Variants in PTPN2 observed in about 807,000 individuals in gnomAD.
PTPN2 encodes tyrosine-protein phosphatase non-receptor type 2.
A neutral mutation model predicts 57.3 loss-of-function variants in PTPN2; 19 were observed. The observed-to-expected ratio is 0.33, with a 90% CI of 0.23 to 0.49. The LOEUF (loss-of-function observed/expected upper bound fraction) is 0.49, where lower values mean the gene tolerates loss of function less well. Ranked by LOEUF, PTPN2 falls within the 20% of genes least tolerant of loss-of-function variation. The probability of loss-of-function intolerance (pLI) is 0.99; values close to 1 mark genes in which losing one functional copy is unlikely to be tolerated. For synonymous variants in PTPN2, 153 were observed against 164.9 expected (o/e 0.93, Z 0.55); for missense variants, 358 against 501.1 (o/e 0.71, Z 2.73).
intron 7 of PTPN2, among the ~76,000 whole-genome samples, chr18:12,806,255 G>A (rs1459989197): frequency 2.0e-5 from 3 of 152,058 alleles, no homozygotes; most frequent in Non-Finnish European, 4.4e-5. Flanking sequence ...TTTAACCAAG[G>A]AGGTGAAAGA....
At chr18:12,787,537 T>C (rs1008466241), downstream of PTPN2, 4 of 152,244 alleles carry the variant, frequency 2.6e-5, no homozygotes, top group African/African-American at 9.6e-5. Flanking sequence ...GTTACAGATA[T>C]ACTTACCAAG....
intron 1 of PTPN2, among the ~76,000 whole-genome samples, chr18:12,877,211 T>C (rs572398739): frequency 4.7e-4 from 72 of 151,856 alleles, no homozygotes; most frequent in Non-Finnish European, 8.7e-4. Context: ...GTCCCGTAGG[T>C]AGGTGGTGGG....
chr18:12,825,681 C>A (rs45612637), intron 5 of PTPN2, 129 bp downstream of exon 5: 3 of 786,450 alleles, frequency 3.8e-6, no homozygotes, highest in Non-Finnish European at 3.7e-6. Context: ...TCTAAAAACA[C>A]GTGATTATGG....
chr18:12,785,726 C>T (rs2040830196), exon 10 of PTPN2: 2 of 1,098,186 alleles, frequency 1.8e-6, no homozygotes, highest in Non-Finnish European at 1.4e-6. Context: ...AGAGGGTTAG[C>T]GAGCCTCACT....
chr18:12,852,191 AACACACACAC>A (rs139964591), intron 2 of PTPN2, among the ~76,000 whole-genome samples: 46 of 140,512 alleles, frequency 3.3e-4, no homozygotes, highest in Admixed American at 6.6e-4. Context: ...ATGGGTTTTT[AACACACACAC>A]ACACACACAC....
chr18:12,877,555 A>G (rs562168108), intron 1 of PTPN2, among the ~76,000 whole-genome samples: 1 of 152,206 alleles, frequency 6.6e-6, no homozygotes, highest in African/African-American at 2.4e-5. Context: ...AGGCAAGGGA[A>G]GTGTTTTAGA....
At chr18:12,872,127 G>C (rs550466536) in intron 1 of PTPN2, 8 of 152,080 alleles carry the variant, frequency 5.3e-5, no homozygotes, top group Non-Finnish European at 1.2e-4. Context: ...AGTTCCCACT[G>C]TTACGAAGTT....
intron 4 of PTPN2, among the ~76,000 whole-genome samples, chr18:12,827,833 G>A (rs1046619405): frequency 6.6e-6 from 1 of 152,066 alleles, no homozygotes; most frequent in Non-Finnish European, 1.5e-5. Context: ...AAGCAAGGGA[G>A]CAGAACAAAT....
exon 10 of PTPN2, chr18:12,785,614 AAC>A: frequency 1.6e-6 from 1 of 620,576 alleles, no homozygotes. Flanking sequence ...AAAAACACTT[AAC>A]ACATCCAATT....
intron 2 of PTPN2, among the ~76,000 whole-genome samples, chr18:12,853,145 A>T (rs2043453609): frequency 6.6e-6 from 1 of 152,222 alleles, no homozygotes; most frequent in Non-Finnish European, 1.5e-5. Context: ...TACTATGTAT[A>T]GAAATGCATT....
At chr18:12,860,567 A>G (rs2043769384) in intron 1 of PTPN2, among the ~76,000 whole-genome samples, 1 of 151,968 alleles carries the variant, frequency 6.6e-6, no homozygotes, top group Non-Finnish European at 1.5e-5. Flanking sequence ...ACTGTACTCT[A>G]GCCTGGGTGA....
At chr18:12,823,881 TAAAC>T (rs1233685962) in intron 5 of PTPN2, among the ~76,000 whole-genome samples, 7 of 152,332 alleles carry the variant, frequency 4.6e-5, no homozygotes, top group East Asian at 1.9e-4. Flanking sequence ...TGGAATCTGA[TAAAC>T]AAAACACAAA....
chr18:12,792,426 G>T lies in PTPN2; in HGVS notation c.*1852C>A. ...GCCTCCCAAGGAGCTGGGACTACAGGCATGCACCACCACGCCCAGATAATT... is the reference window on the plus strand; with the variant it reads ...GCCTCCCAAGGAGCTGGGACTACAGTCATGCACCACCACGCCCAGATAATT... On this transcript the variant is annotated 3_prime_UTR_variant, in exon 9 of 9. Coordinates refer to ENST00000309660, the MANE Select transcript of PTPN2 (RefSeq NM_002828.4). The T allele has an allele frequency of 6.0e-6, 1 of 165,860 alleles. No individual in the cohort carries two copies. Among genetic ancestry groups the T allele is most frequent in the Non-Finnish European group, 1.2e-5 (1 of 80,664 alleles). 10.3% of individuals were successfully genotyped at this position (165,860 alleles called of 1,614,324 possible).
At chr18:12,804,301 A>AAAG (rs1448979527) in intron 7 of PTPN2, among the ~76,000 whole-genome samples, 2 of 147,702 alleles carry the variant, frequency 1.4e-5, no homozygotes, top group African/African-American at 2.6e-5. Flanking sequence ...AAAAAAAAAA[A>AAAG]AAAAAAAAGA....
At chr18:12,829,963 A>G (rs1298371249) in intron 4 of PTPN2, among the ~76,000 whole-genome samples, 1 of 152,222 alleles carries the variant, frequency 6.6e-6, no homozygotes, top group African/African-American at 2.4e-5. Context: ...AGGTTCAACC[A>G]CCATAAACAT....
intron 1 of PTPN2, among the ~76,000 whole-genome samples, chr18:12,876,416 C>T (rs1379471286): frequency 2.7e-5 from 4 of 150,828 alleles, no homozygotes; most frequent in African/African-American, 7.3e-5. Context: ...CAGTGACCTA[C>T]GATCGTGCCA....
At chr18:12,828,422 G>GA (rs1444270923) in intron 4 of PTPN2, among the ~76,000 whole-genome samples, 2 of 152,126 alleles carry the variant, frequency 1.3e-5, no homozygotes, top group East Asian at 3.9e-4. Flanking sequence ...GGAAGAGAAT[G>GA]AAAAAAATAT....
rs3737361 is a variant in PTPN2 at position 12,831,325 on chromosome 18, T to C, written c.262-284A>G. Among the ~76,000 whole-genome samples, 51,224 of 152,024 alleles carry C rather than the reference T, an allele frequency of 0.34. 9,134 individuals carry two copies. Among genetic ancestry groups the C allele is most frequent in the South Asian group, 0.55 (2,631 of 4,820 alleles). ...AGAGTTGAGGACTAGAGAGACAAAC[T>C]TGGGTAGGAACCAAGGGTTAAGACA... On this transcript the variant is annotated intron_variant, in intron 3 of 8. Transcript: ENST00000309660.
chr18:12,845,019 A>T (rs929764493), intron 2 of PTPN2, among the ~76,000 whole-genome samples: 1 of 152,202 alleles, frequency 6.6e-6, no homozygotes. Context: ...TTATGTATTT[A>T]TCCCTCTGCC....
Sources: allele counts gnomAD v4.1 joint callset (sites outside exome capture counted in the v4.1 genomes callset), GRCh38; gene constraint gnomAD v4.1.1; transcripts MANE v1.5; gene names NCBI Gene and HGNC (gene_info 2026-07-23, HGNC 2026-07-21).